TNRC6A: variants seen among roughly 807,000 people sequenced by gnomAD.
The protein encoded by TNRC6A is trinucleotide repeat-containing gene 6A protein.
A neutral mutation model predicts 221.2 loss-of-function variants in TNRC6A; 44 were observed. The ratio of observed to expected loss-of-function variants is 0.20; its 90% CI spans 0.16 to 0.26. TNRC6A has a LOEUF of 0.26. TNRC6A is among the 10% of genes least tolerant of loss of function. The pLI, the probability that TNRC6A is intolerant of heterozygous loss-of-function variation, is 1.00. For missense variants in TNRC6A, 2,199 were observed against 2,404.4 expected (o/e 0.91, Z 1.79); for synonymous variants, 847 against 838.5 (o/e 1.01, Z -0.18).
chr16:24,701,611 C>T (rs956790041), intron 2 of TNRC6A, among the ~76,000 whole-genome samples: 4 of 152,166 alleles, frequency 2.6e-5, no homozygotes, highest in Non-Finnish European at 5.9e-5. Flanking sequence ...GGCGATCTGC[C>T]CGTCTCAGCC....
At chr16:24,676,062 A>G (rs547170128) in intron 2 of TNRC6A, among the ~76,000 whole-genome samples, 84 of 152,114 alleles carry the variant, frequency 5.5e-4, no homozygotes, top group African/African-American at 1.9e-3. Flanking sequence ...AAATAACCTC[A>G]AGAATGGACA....
intron 4 of TNRC6A, among the ~76,000 whole-genome samples, chr16:24,763,467 C>G (rs2057406055): frequency 6.6e-6 from 1 of 152,040 alleles, no homozygotes; most frequent in Non-Finnish European, 1.5e-5. Context: ...TTAGTTTGTC[C>G]CCTTCTCATT....
chr16:24,791,550 T>G lies in TNRC6A; in HGVS notation c.2908T>G (p.Trp970Gly). 2 of 1,547,910 alleles carry G rather than the reference T, an allele frequency of 1.3e-6. No individual in the cohort carries two copies. The highest frequency in any genetic ancestry group is 4.1e-5 in the Admixed American group (2 of 48,194). The change falls in exon 6 of 25, where the codon TGG (tryptophan) becomes GGG (glycine). Residue 970 changes from tryptophan to glycine, a missense_variant. Coordinates refer to ENST00000395799, the MANE Select transcript of TNRC6A (RefSeq NM_014494.4). ...PATGKPPGTG[W>G]LGGPIPAPAK... Reference sequence around the variant, plus strand: ...TACAGGCAAACCTCCTGGTACAGGCTGGCTGGGGGGACCTATACCAGCCCC... The same window carrying G: ...TACAGGCAAACCTCCTGGTACAGGCGGGCTGGGGGGACCTATACCAGCCCC...
At chr16:24,756,690 G>A (rs746922387) in intron 3 of TNRC6A, among the ~76,000 whole-genome samples, 4 of 152,020 alleles carry the variant, frequency 2.6e-5, no homozygotes, top group East Asian at 3.9e-4. Context: ...ATGGGGTTTC[G>A]CCATATTGGC....
At chr16:24,821,461 G>A (rs893691210) in intron 22 of TNRC6A, among the ~76,000 whole-genome samples, 7 of 152,186 alleles carry the variant, frequency 4.6e-5, no homozygotes, top group African/African-American at 1.4e-4. Context: ...AGTGGAGGAG[G>A]ATTCCGTGAG....
chr16:24,730,751 C>T (rs1305265581), intron 2 of TNRC6A, among the ~76,000 whole-genome samples: 1 of 107,578 alleles, frequency 9.3e-6, no homozygotes, highest in African/African-American at 3.6e-5. Flanking sequence ...GCCCCCCCCC[C>T]CCCCCCATAC....
intron 2 of TNRC6A, among the ~76,000 whole-genome samples, chr16:24,740,774 A>T (rs939840184): frequency 6.6e-6 from 1 of 152,196 alleles, no homozygotes; most frequent in Non-Finnish European, 1.5e-5. Context: ...TGTAAAATGG[A>T]AACTCTGTAC....
intron 2 of TNRC6A, among the ~76,000 whole-genome samples, chr16:24,733,975 C>T (rs901763050): frequency 2.6e-5 from 4 of 152,042 alleles, no homozygotes; most frequent in Admixed American, 1.3e-4. Flanking sequence ...AGTTTGAGAC[C>T]AGCCTGTGCA....
chr16:24,784,275 T>C (rs2057918574), intron 5 of TNRC6A, among the ~76,000 whole-genome samples: 2 of 152,318 alleles, frequency 1.3e-5, no homozygotes, highest in South Asian at 4.1e-4. Context: ...GTGCTGAGAT[T>C]ATAGGAGTGA....
chr16:24,619,426 G>T (rs1567302394), intron 1 of TNRC6A, among the ~76,000 whole-genome samples: 1 of 152,138 alleles, frequency 6.6e-6, no homozygotes, highest in African/African-American at 2.4e-5. Flanking sequence ...GTTCATTGAG[G>T]CATAAGTCAA....
intron 8 of TNRC6A, among the ~76,000 whole-genome samples, chr16:24,795,233 C>G (rs1330364123): frequency 6.6e-6 from 1 of 152,188 alleles, no homozygotes; most frequent in Non-Finnish European, 1.5e-5. Flanking sequence ...AATCATATTC[C>G]TAAAGCTGGC....
chr16:24,675,678 C>CTG (rs2055396680), intron 2 of TNRC6A, among the ~76,000 whole-genome samples: 1 of 75,750 alleles, frequency 1.3e-5, no homozygotes, highest in African/African-American at 5.7e-5. Flanking sequence ...CTCTCTCTCT[C>CTG]TCTCTCTCTC....
intron 2 of TNRC6A, among the ~76,000 whole-genome samples, chr16:24,745,777 G>A (rs539611512): frequency 6.9e-6 from 1 of 144,412 alleles, no homozygotes; most frequent in African/African-American, 2.6e-5. Flanking sequence ...ATGTAGCTGA[G>A]ACTACAGGTA....
intron 2 of TNRC6A, among the ~76,000 whole-genome samples, chr16:24,656,899 G>A (rs2141881958): frequency 6.6e-6 from 1 of 152,192 alleles, no homozygotes; most frequent in Non-Finnish European, 1.5e-5. Flanking sequence ...AGAACAAAAT[G>A]ACCCAAAGTA....
chr16:24,773,042 ATTC>A (rs2057645864), intron 4 of TNRC6A, among the ~76,000 whole-genome samples: 1 of 152,208 alleles, frequency 6.6e-6, no homozygotes. Context: ...AGTTTTAACT[ATTC>A]TTTTTCATAG....
At chr16:24,707,394 A>G (rs930675312) in intron 2 of TNRC6A, among the ~76,000 whole-genome samples, 4 of 151,952 alleles carry the variant, frequency 2.6e-5, no homozygotes, top group African/African-American at 9.7e-5. Context: ...TAAATAAGAG[A>G]AAATCTTTCT....
chr16:24,790,774 C>G lies in TNRC6A; in HGVS notation c.2132C>G (p.Thr711Ser). Residue 711 changes from threonine (T) to serine (S), a missense_variant, in exon 6 of 25, where the codon ACT (threonine) becomes AGT (serine). Thr to Ser is a moderately conservative substitution (Grantham distance 58). This residue lies in a region of TNRC6A where 1,405 missense variants were observed against 1,400.2 expected (regional missense o/e 1.00). Transcript: ENST00000395799. ...TTACTCCAAAGCATTGTAAACAGAA[C>G]TGACTTAGATCCACGTGTCCTGTCC... ...HTLLQSIVNR[T>S]DLDPRVLSNS... is the part of the protein sequence containing the mutation. 2 of 1,614,104 alleles carry G rather than the reference C, an allele frequency of 1.2e-6. No homozygotes were observed. Among genetic ancestry groups the G allele is most frequent in the Non-Finnish European group, 8.5e-7 (1 of 1,180,034 alleles).
rs185001131 is a variant in TNRC6A at position 24,794,140 on chromosome 16, C to T, written c.3353-404C>T. ...AAGGGCCATGTGTGAAGATAAGATG[C>T]TTTCTGCTTAAGGCTTTGAATACTC... is the stretch of plus-strand genomic sequence containing the variant. On this transcript the variant is annotated intron_variant, in intron 7 of 24. Coordinates refer to ENST00000395799, the MANE Select transcript of TNRC6A (RefSeq NM_014494.4). Among the ~76,000 whole-genome samples, 301 of 152,296 alleles carry T rather than the reference C, an allele frequency of 2.0e-3. 3 individuals carry two copies. Among genetic ancestry groups the T allele is most frequent in the South Asian group, 1.9e-3 (9 of 4,828 alleles).
chr16:24,793,696 C>T (rs767950821), intron 7 of TNRC6A, 47 bp downstream of exon 7: 1 of 1,303,594 alleles, frequency 7.7e-7, no homozygotes, highest in South Asian at 2.8e-5. Context: ...CAGTGGCGAA[C>T]ACTCACTGAC....
Sources: allele counts gnomAD v4.1 joint callset (sites outside exome capture counted in the v4.1 genomes callset), GRCh38; gene constraint gnomAD v4.1.1; regional missense constraint gnomAD v4.1.1; transcripts MANE v1.5; gene names NCBI Gene and HGNC (gene_info 2026-07-23, HGNC 2026-07-21).